The following MAST2 variants were observed in gnomAD, a reference collection of about 807,000 sequenced individuals.
MAST2 encodes the protein microtubule-associated serine/threonine-protein kinase 2.
MAST2 carries 70 observed loss-of-function variants against 147.4 expected under a neutral mutation model. That is an observed-to-expected ratio of 0.47 (90% CI 0.39 to 0.58). MAST2 has a LOEUF of 0.58. Among genes scored for constraint, MAST2 ranks in the 20% least tolerant of loss-of-function variants. MAST2 has a pLI of 0.00. For missense variants in MAST2, 2,080 were observed against 2,302.3 expected (o/e 0.90, Z 1.98); for synonymous variants, 869 against 896.8 (o/e 0.97, Z 0.55).
chr1:45,994,504 C>T (rs1644977798), intron 5 of MAST2, among the ~76,000 whole-genome samples: 1 of 151,872 alleles, frequency 6.6e-6, no homozygotes, highest in South Asian at 2.1e-4. Context: ...CCAGGCTGGC[C>T]TTGAACCCCT....
In MAST2 at chr1:45,812,368, C is replaced by CAG. The variant is rs1644329083; in HGVS notation, c.177+8299_177+8300dup. Among the ~76,000 whole-genome samples, 3 of 150,378 alleles carry CAG rather than the reference C, an allele frequency of 2.0e-5. No individual in the cohort carries two copies. The South Asian group carries it at 6.3e-4, about 32-fold the overall frequency. On this transcript the variant is annotated intron_variant, in intron 1 of 28. Coordinates refer to ENST00000361297, the MANE Select transcript of MAST2 (RefSeq NM_015112.3). ...GATGAGGGTAGGACACATGTGATTA[C>CAG]AGAGTTTTCCCATCATTGTTCTGGA...
At chr1:45,988,008 C>T (rs1644717843) in intron 5 of MAST2, among the ~76,000 whole-genome samples, 1 of 151,592 alleles carries the variant, frequency 6.6e-6, no homozygotes. Context: ...AGTGGTATGA[C>T]ATGTGTTTTC....
At chr1:45,925,210 A>G (rs1275840777) in intron 4 of MAST2, among the ~76,000 whole-genome samples, 1 of 152,228 alleles carries the variant, frequency 6.6e-6, no homozygotes, top group Non-Finnish European at 1.5e-5. Context: ...TTGAAGGACA[A>G]TGAAGATACA....
intron 4 of MAST2, among the ~76,000 whole-genome samples, chr1:45,902,447 G>A (rs1236795860): frequency 6.6e-6 from 1 of 151,804 alleles, no homozygotes; most frequent in Non-Finnish European, 1.5e-5. Flanking sequence ...TAGTTTTTTT[G>A]TTGTGTCCTT....
intron 18 of MAST2, chr1:46,029,189 G>A: frequency 1.8e-6 from 1 of 552,406 alleles, no homozygotes; most frequent in Non-Finnish European, 3.2e-6. Context: ...GTCTGTGTAT[G>A]TGCACATCCC....
At chr1:45,982,758 G>A (rs1023324450) in intron 5 of MAST2, among the ~76,000 whole-genome samples, 20 of 152,208 alleles carry the variant, frequency 1.3e-4, no homozygotes, top group African/African-American at 4.8e-4. Flanking sequence ...AGATATGCTG[G>A]TGGTCTTGGC....
chr1:45,895,439 A>G (rs993309319), intron 4 of MAST2, among the ~76,000 whole-genome samples: 1 of 152,228 alleles, frequency 6.6e-6, no homozygotes, highest in African/African-American at 2.4e-5. Context: ...AACAAAACCC[A>G]GTTATGTAAA....
In MAST2 at chr1:45,842,478, C is replaced by A. The variant is rs867040707; in HGVS notation, c.468+12897C>A. 4.5e-4 allele frequency among the ~76,000 whole-genome samples: 68 copies of A among 152,288 alleles called. No homozygotes were observed. The Middle Eastern group carries it at 0.014, about 30-fold the overall frequency. On this transcript the variant is annotated intron_variant, in intron 3 of 28. Transcript: ENST00000361297. ...ATCCATTAAGCCCTTTCTCCCCACTCCCCTTCCATGCAATCTGCATTTTGT... is the reference window on the plus strand; with the variant it reads ...ATCCATTAAGCCCTTTCTCCCCACTACCCTTCCATGCAATCTGCATTTTGT...
intron 4 of MAST2, among the ~76,000 whole-genome samples, chr1:45,921,045 G>A (rs924348696): frequency 6.6e-6 from 1 of 152,192 alleles, no homozygotes; most frequent in African/African-American, 2.4e-5. Flanking sequence ...ACCCAGGCTG[G>A]AGTGCAGTGG....
chr1:45,860,249 T>C (rs1297900533), intron 3 of MAST2, among the ~76,000 whole-genome samples: 3 of 150,850 alleles, frequency 2.0e-5, no homozygotes, highest in African/African-American at 4.9e-5. Context: ...CCAGGAGTGG[T>C]GGCGGGCACC....
chr1:45,920,049 G>T (rs567550153), intron 4 of MAST2, among the ~76,000 whole-genome samples: 4 of 152,262 alleles, frequency 2.6e-5, no homozygotes, highest in Admixed American at 2.6e-4. Flanking sequence ...GGCAGCACTT[G>T]AGGCTAATTT....
At chr1:45,950,217 T>A (rs952241386) in intron 4 of MAST2, among the ~76,000 whole-genome samples, 1 of 151,030 alleles carries the variant, frequency 6.6e-6, no homozygotes, top group Non-Finnish European at 1.5e-5. Context: ...ACCTAAAAAA[T>A]AATAATAATA....
At chr1:45,804,847 G>A (rs1261547932) in intron 1 of MAST2, among the ~76,000 whole-genome samples, 1 of 152,230 alleles carries the variant, frequency 6.6e-6, no homozygotes, top group Non-Finnish European at 1.5e-5. Flanking sequence ...ACTAGTAGCG[G>A]TAATAAGTTT....
intron 4 of MAST2, among the ~76,000 whole-genome samples, chr1:45,937,358 T>G (rs1404760709): frequency 2.0e-5 from 3 of 152,044 alleles, no homozygotes; most frequent in African/African-American, 4.8e-5. Context: ...CTCAAACTCC[T>G]GGGCCCAAGC....
At chr1:45,862,069 G>A (rs982089501) in intron 3 of MAST2, among the ~76,000 whole-genome samples, 5 of 152,088 alleles carry the variant, frequency 3.3e-5, no homozygotes, top group African/African-American at 1.2e-4. Context: ...AAATATTACT[G>A]TAACATAAAC....
At chr1:45,995,174 G>C (rs1645009237) in intron 5 of MAST2, among the ~76,000 whole-genome samples, 1 of 152,078 alleles carries the variant, frequency 6.6e-6, no homozygotes, top group Admixed American at 6.6e-5. Context: ...TTGCTCTGCT[G>C]TCTTCTTGCA....
chr1:45,900,869 G>A (rs918892976), intron 4 of MAST2, among the ~76,000 whole-genome samples: 2 of 151,666 alleles, frequency 1.3e-5, no homozygotes, highest in Non-Finnish European at 2.9e-5. Flanking sequence ...TTTTTCTTAC[G>A]ATTTAAGTTC....
At chr1:45,904,603 C>T (rs1004118155) in intron 4 of MAST2, among the ~76,000 whole-genome samples, 4 of 151,978 alleles carry the variant, frequency 2.6e-5, no homozygotes, top group African/African-American at 7.3e-5. Context: ...GTAGCTGGGA[C>T]TATAGACACA....
rs955799238 is a variant in MAST2 at position 45,803,776 on chromosome 1, T to C, written c.-120T>C. The C allele has an allele frequency of 1.9e-4, 65 of 347,770 alleles. No homozygotes were observed. Among genetic ancestry groups the C allele is most frequent in the Non-Finnish European group, 3.2e-4 (63 of 194,594 alleles). The allele number at this position is 347,770 out of a possible 1,614,324, so 21.5% of individuals were successfully genotyped here. A position where few individuals can be genotyped will look rare whatever the true frequency, so the allele number is the denominator to read the frequency against. ...GCGCCGCGGGCTGGGGTCGGTGGCT[T>C]AGGGAGCCCGTCCGGCCATGGTGGC... On this transcript the variant is annotated 5_prime_UTR_variant, in exon 1 of 29. Transcript: ENST00000361297.
Sources: gnomAD v4.1 joint callset for allele counts (sites outside exome capture counted in the v4.1 genomes callset) on GRCh38, gnomAD v4.1.1 for gene constraint, MANE v1.5 for transcripts, NCBI Gene and HGNC (gene_info 2026-07-23, HGNC 2026-07-21) for gene names.